PRH1: variants seen among roughly 807,000 people sequenced by gnomAD.
The protein encoded by PRH1 is proline rich protein HaeIII subfamily 1.
In PRH1, 7 loss-of-function variants were observed where a neutral mutation model predicts 7.9. The observed-to-expected ratio is 0.89, with a 90% CI of 0.50 to 1.67. PRH1 has a LOEUF of 1.67. Among genes scored for constraint, PRH1 ranks in the 40% most tolerant of loss-of-function variants. PRH1 has a pLI of 0.00. For missense variants in PRH1, 109 were observed against 223.6 expected (o/e 0.49, Z 3.27); for synonymous variants, 45 against 80.8 (o/e 0.56, Z 2.38).
At chr12:11,051,998 A>G (rs953678260), upstream of PRH1, among the ~76,000 whole-genome samples, 1 of 152,272 alleles carries the variant, frequency 6.6e-6, no homozygotes, top group African/African-American at 2.4e-5. Context: ...AGCTGGGTGT[A>G]GAATTACAGG....
At chr12:11,162,697 C>A (rs897352375) in intron 1 of PRH1, among the ~76,000 whole-genome samples, 1 of 152,194 alleles carries the variant, frequency 6.6e-6, no homozygotes, top group Non-Finnish European at 1.5e-5. Context: ...GGATCCCATG[C>A]AGTTGGGTGT....
At chr12:11,119,525 C>T (rs909229565), downstream of PRH1, among the ~76,000 whole-genome samples, 5 of 151,906 alleles carry the variant, frequency 3.3e-5, no homozygotes, top group Admixed American at 6.6e-5. Flanking sequence ...CAACACATCC[C>T]GTGTACTCAA....
At chr12:10,951,900 A>G (rs372064213) in intron 2 of PRH1, among the ~76,000 whole-genome samples, 1 of 152,164 alleles carries the variant, frequency 6.6e-6, no homozygotes, top group African/African-American at 2.4e-5. Flanking sequence ...CTCAGTTTTT[A>G]CAGTATAATT....
upstream of PRH1, among the ~76,000 whole-genome samples, chr12:10,886,298 G>A (rs900776698): frequency 6.6e-6 from 1 of 152,216 alleles, no homozygotes; most frequent in Non-Finnish European, 1.5e-5. Context: ...AGGAGTGCCA[G>A]GCAGATATTG....
intron 2 of PRH1, among the ~76,000 whole-genome samples, chr12:10,948,419 CT>C (rs1950520060): frequency 6.6e-6 from 1 of 152,168 alleles, no homozygotes; most frequent in Non-Finnish European, 1.5e-5. Context: ...GTATATTCTG[CT>C]GATAATCCTT....
chr12:11,097,726 G>C lies in PRH1; in HGVS notation n.124-50538C>G, dbSNP rs1381526129. Among the ~76,000 whole-genome samples, 2 of 114,122 alleles carry C rather than the reference G, an allele frequency of 1.8e-5. 1 individual carries two copies. The highest frequency in any genetic ancestry group is 5.9e-5 in the African/African-American group (2 of 34,142). 74.9% of individuals were successfully genotyped at this position (114,122 alleles called of 152,430 possible). The stretch of plus-strand genomic sequence containing the variant: ...CAAAAACAAATCATTTCATGAGATA[G>C]ATGAAGATATAGATGATGAAGAGAA... On this transcript the variant is annotated intron_variant and non_coding_transcript_variant, in intron 1 of 4. Coordinates refer to the PRH1 transcript ENST00000541977.
chr12:10,932,259 C>T (rs1950224507), intron 2 of PRH1: 2 of 430,212 alleles, frequency 4.6e-6, no homozygotes, highest in Admixed American at 2.4e-5. Flanking sequence ...GTTTCAAATG[C>T]CTTGAAACAT....
At chr12:10,971,567 A>G (rs778684435) in intron 2 of PRH1, among the ~76,000 whole-genome samples, 3 of 152,064 alleles carry the variant, frequency 2.0e-5, no homozygotes, top group Non-Finnish European at 4.4e-5. Flanking sequence ...AGTGATATTC[A>G]TGTGTGTGTA....
intron 1 of PRH1, among the ~76,000 whole-genome samples, chr12:11,110,040 T>G (rs1210756260): frequency 6.6e-6 from 1 of 151,458 alleles, no homozygotes; most frequent in African/African-American, 2.4e-5. Context: ...TATCAATAGG[T>G]GAACCAATCA....
intron 1 of PRH1, chr12:11,092,031 A>T (rs1944929412): frequency 6.7e-7 from 1 of 1,487,268 alleles, no homozygotes; most frequent in East Asian, 2.3e-5. Context: ...ACAGTTGAAT[A>T]CCAGTTTAAT....
chr12:10,963,288 C>G (rs1429562145), intron 2 of PRH1, among the ~76,000 whole-genome samples: 1 of 152,090 alleles, frequency 6.6e-6, no homozygotes, highest in African/African-American at 2.4e-5. Flanking sequence ...AACACACTTT[C>G]TCTCACTGCA....
chr12:10,931,195 T>C, intron 2 of PRH1: 1 of 1,531,196 alleles, frequency 6.5e-7, no homozygotes, highest in East Asian at 2.3e-5. Flanking sequence ...GGAACACATT[T>C]CTCATGAGTT....
At chr12:10,901,119 C>G (rs1043367912) in intron 2 of PRH1, among the ~76,000 whole-genome samples, 1 of 152,190 alleles carries the variant, frequency 6.6e-6, no homozygotes, top group African/African-American at 2.4e-5. Context: ...GCTGCCTCAC[C>G]CTTCCCGTTC....
intron 1 of PRH1, among the ~76,000 whole-genome samples, chr12:11,059,969 C>T (rs1591918917): frequency 6.6e-6 from 1 of 152,080 alleles, no homozygotes; most frequent in African/African-American, 2.4e-5. Context: ...TCATCTTGCT[C>T]TCTGATCTTA....
intron 1 of PRH1, among the ~76,000 whole-genome samples, chr12:11,001,423 T>A (rs1214163158): frequency 1.3e-5 from 2 of 152,184 alleles, no homozygotes; most frequent in Non-Finnish European, 2.9e-5. Flanking sequence ...TTGATTTATT[T>A]AGTCCTAAAA....
intron 2 of PRH1, among the ~76,000 whole-genome samples, chr12:10,967,322 T>G (rs1938555334): frequency 6.6e-6 from 1 of 152,142 alleles, no homozygotes; most frequent in Admixed American, 6.5e-5. Context: ...GGTGCACTTC[T>G]CCTAATAAAT....
chr12:11,083,168 A>G (rs76413327), intron 1 of PRH1, among the ~76,000 whole-genome samples: 1 of 60,822 alleles, frequency 1.6e-5, no homozygotes, highest in Non-Finnish European at 4.3e-5. Flanking sequence ...ATGTCTGTAT[A>G]ACTATAATTT....
At chr12:11,098,089 A>G (rs1276232673) in intron 1 of PRH1, among the ~76,000 whole-genome samples, 1 of 31,286 alleles carries the variant, frequency 3.2e-5, no homozygotes, top group African/African-American at 5.3e-5. Context: ...AGTCTATGCA[A>G]TAATACAGTA....
At chr12:11,083,879 G>C (rs77815488) in intron 1 of PRH1, among the ~76,000 whole-genome samples, 32,284 of 89,496 alleles carry the variant, frequency 0.36, 4,295 homozygotes, top group Non-Finnish European at 0.46. Context: ...GTTCAAATTT[G>C]TTCATTTTCC....
Sources: allele counts gnomAD v4.1 joint callset (sites outside exome capture counted in the v4.1 genomes callset), GRCh38; gene constraint gnomAD v4.1.1; transcripts MANE v1.5; gene names NCBI Gene and HGNC (gene_info 2026-07-23, HGNC 2026-07-21).